The following TRAPPC9 variants were observed in gnomAD, a reference collection of about 807,000 sequenced individuals.
The protein encoded by TRAPPC9 is trafficking protein particle complex subunit 9.
Under a neutral mutation model 124.0 loss-of-function variants are expected in TRAPPC9, and 83 were observed. That is an observed-to-expected ratio of 0.67 (90% CI 0.56 to 0.80). The LOEUF (loss-of-function observed/expected upper bound fraction) is 0.80. Among genes scored for constraint, TRAPPC9 ranks in the 30% least tolerant of loss-of-function variants. The pLI is 0.00. For synonymous variants in TRAPPC9, 638 were observed against 617.5 expected (o/e 1.03, Z -0.49); for missense variants, 1,302 against 1,508.3 (o/e 0.86, Z 2.27).
At chr8:140,113,942 G>A (rs1212311276) in intron 17 of TRAPPC9, among the ~76,000 whole-genome samples, 1 of 152,198 alleles carries the variant, frequency 6.6e-6, no homozygotes, top group Non-Finnish European at 1.5e-5. Flanking sequence ...GGAAAGTCAG[G>A]CCTGCTCATC....
chr8:140,253,420 T>C (rs888541566), intron 15 of TRAPPC9, among the ~76,000 whole-genome samples: 99 of 152,148 alleles, frequency 6.5e-4, no homozygotes, highest in Admixed American at 6.2e-3. Context: ...CTCACACTTA[T>C]AATCCCAGCA....
At chr8:140,435,078 A>C in intron 4 of TRAPPC9, 34 bp downstream of exon 4, 1 of 1,614,156 alleles carries the variant, frequency 6.2e-7, no homozygotes, top group Non-Finnish European at 8.5e-7. Context: ...AAAGACTGCA[A>C]GTGAGCAGAG....
At chr8:140,313,675 G>A (rs1230083951) in intron 9 of TRAPPC9, among the ~76,000 whole-genome samples, 1 of 152,232 alleles carries the variant, frequency 6.6e-6, no homozygotes, top group African/African-American at 2.4e-5. Context: ...ACACCTCTCC[G>A]CTGTGCCTGC....
At position 140,100,074 on chromosome 8, in the gene TRAPPC9, G is replaced by C. The variant is rs542059202; in HGVS notation, c.2557-75995C>G. The C allele has an allele frequency of 2.0e-5, 3 of 149,696 alleles. No homozygotes were observed. In the South Asian group the frequency reaches 6.4e-4, roughly 32 times the overall value. 9.3% of individuals were successfully genotyped at this position (149,696 alleles called of 1,614,324 possible). On this transcript the variant is annotated intron_variant, in intron 17 of 22. Transcript: ENST00000438773. ...GTGCCGCAATCTTCAGGGTATTGAC[G>C]CCCACCCGGGTCCTCCGCAGCCAAG...
intron 9 of TRAPPC9, among the ~76,000 whole-genome samples, chr8:140,339,086 G>A (rs918838204): frequency 1.2e-4 from 18 of 146,482 alleles, no homozygotes; most frequent in African/African-American, 3.3e-4. Context: ...CCTACAGGCC[G>A]ACGGGAAACG....
chr8:139,868,470 G>A (rs768137911), intron 21 of TRAPPC9, among the ~76,000 whole-genome samples: 10 of 152,270 alleles, frequency 6.6e-5, no homozygotes, highest in Admixed American at 1.3e-4. Context: ...TTAAAGGAGC[G>A]TGCTGCAGTG....
At chr8:140,294,046 C>T (rs185914266) in intron 11 of TRAPPC9, among the ~76,000 whole-genome samples, 12 of 152,182 alleles carry the variant, frequency 7.9e-5, no homozygotes, top group African/African-American at 2.9e-4. Context: ...AAGGAGAACC[C>T]ACCTGACAGG....
intron 7 of TRAPPC9, among the ~76,000 whole-genome samples, chr8:140,388,981 G>T (rs1398981782): frequency 4.3e-5 from 6 of 140,768 alleles, no homozygotes; most frequent in African/African-American, 1.6e-4. Context: ...TTTTTTGATG[G>T]AGTTTTGCTC....
At chr8:140,346,152 G>A (rs919732379) in intron 9 of TRAPPC9, among the ~76,000 whole-genome samples, 1 of 152,160 alleles carries the variant, frequency 6.6e-6, no homozygotes, top group Non-Finnish European at 1.5e-5. Flanking sequence ...CCGAGCCTTC[G>A]ACCTAAGGAA....
chr8:139,804,395 CCA>C (rs1228854529), intron 21 of TRAPPC9, among the ~76,000 whole-genome samples: 33 of 135,092 alleles, frequency 2.4e-4, no homozygotes, highest in East Asian at 2.3e-4. Flanking sequence ...AACACCACCA[CCA>C]CACACACAAC....
chr8:140,220,000 C>T (rs149277695), intron 17 of TRAPPC9, among the ~76,000 whole-genome samples: 309 of 152,322 alleles, frequency 2.0e-3, no homozygotes, highest in Non-Finnish European at 3.3e-3. Flanking sequence ...TGGCTGCCCA[C>T]AAAGCTCCAG....
intron 8 of TRAPPC9, among the ~76,000 whole-genome samples, chr8:140,364,217 C>T (rs1448936673): frequency 6.7e-6 from 1 of 149,650 alleles, no homozygotes; most frequent in Non-Finnish European, 1.5e-5. Flanking sequence ...GAAGACCACT[C>T]CTAAGATAAC....
chr8:139,844,165 C>T (rs1336816656), intron 21 of TRAPPC9, among the ~76,000 whole-genome samples: 4 of 152,244 alleles, frequency 2.6e-5, no homozygotes, highest in Non-Finnish European at 4.4e-5. Context: ...ACCTCCTCAT[C>T]GCTAGGAGGA....
chr8:140,193,313 G>C (rs2131095474), intron 17 of TRAPPC9, among the ~76,000 whole-genome samples: 1 of 152,258 alleles, frequency 6.6e-6, no homozygotes, highest in African/African-American at 2.4e-5. Context: ...TTAGAACTAA[G>C]GCCTAGATTC....
rs188185951 is a variant in TRAPPC9, at chr8:140,392,425, C to T, written c.1134+5195G>A. 2.5e-3 allele frequency among the ~76,000 whole-genome samples: 376 copies of T among 152,346 alleles called. 2 individuals carry two copies. Among genetic ancestry groups the T allele is most frequent in the South Asian group, 0.021 (101 of 4,824 alleles). ...ATTAATACTGCTAGAGCAGGCCTGA[C>T]TAGAAAATTCCCCAGGTCTACAAGG... On this transcript the variant is annotated intron_variant, in intron 7 of 22. Transcript: ENST00000438773.
At chr8:139,740,097 G>A (rs781610402) in intron 21 of TRAPPC9, among the ~76,000 whole-genome samples, 22 of 152,214 alleles carry the variant, frequency 1.4e-4, no homozygotes, top group Non-Finnish European at 7.3e-5. Flanking sequence ...ACCATGCTCC[G>A]CTCTGGGCCC....
chr8:140,151,234 A>G (rs1447163458), intron 17 of TRAPPC9, among the ~76,000 whole-genome samples: 2 of 152,188 alleles, frequency 1.3e-5, no homozygotes, highest in Non-Finnish European at 1.5e-5. Flanking sequence ...AGCTGCCCCT[A>G]GGCAGCAGCT....
chr8:140,277,428 A>C (rs2065161394), intron 14 of TRAPPC9, among the ~76,000 whole-genome samples: 1 of 152,256 alleles, frequency 6.6e-6, no homozygotes, highest in Non-Finnish European at 1.5e-5. Context: ...ACCTTTCAGC[A>C]GGCAGCCTTT....
At chr8:139,836,464 G>A (rs1187596159) in intron 21 of TRAPPC9, among the ~76,000 whole-genome samples, 1 of 152,204 alleles carries the variant, frequency 6.6e-6, no homozygotes, top group Admixed American at 6.5e-5. Flanking sequence ...GGGACCTGGA[G>A]GAGAAAGAGC....
Sources: allele counts gnomAD v4.1 joint callset (sites outside exome capture counted in the v4.1 genomes callset), GRCh38; gene constraint gnomAD v4.1.1; transcripts MANE v1.5; gene names NCBI Gene and HGNC (gene_info 2026-07-23, HGNC 2026-07-21).